Variants in EPN1 observed in about 807,000 individuals in gnomAD.
The protein encoded by EPN1 is epsin 1, also known as epsin-1.
In EPN1, 25 loss-of-function variants were observed where a neutral mutation model predicts 56.9. The ratio of observed to expected loss-of-function variants is 0.44; its 90% CI spans 0.32 to 0.61. EPN1 has a LOEUF of 0.61. Ranked by LOEUF, EPN1 falls within the 20% of genes least tolerant of loss-of-function variation. EPN1 has a pLI of 0.05. For synonymous variants in EPN1, 411 were observed against 361.8 expected (o/e 1.14, Z -1.54); for missense variants, 785 against 823.7 (o/e 0.95, Z 0.58).
In EPN1 at chr19:55,700,948, G is replaced by C. The variant is rs1420334112; in HGVS notation, c.*5592G>C. On this transcript the variant is annotated 3_prime_UTR_variant, in exon 11 of 11. Coordinates refer to ENST00000270460, the MANE Select transcript of EPN1 (RefSeq NM_001130072.2). ...ATCACTACATCCATCCGCAGGGGAG[G>C]CAAGCTTAGGGCATCACGTCCAGGA... is the stretch of plus-strand genomic sequence containing the variant. 1 of 152,254 alleles carries C rather than the reference G, an allele frequency of 6.6e-6. No individual in the cohort carries two copies. The highest frequency in any genetic ancestry group is 6.5e-5 in the Admixed American group (1 of 15,276). The allele number at this position is 152,254 out of a possible 1,614,324, so 9.4% of individuals were successfully genotyped here.
rs150505779 is a variant in EPN1 at position 55,697,722 on chromosome 19, C to T, written c.*2366C>T. ...CCTCTTTCTAGAATATTCCAGCCAC[C>T]AAAGTGCTCAGCAGGAGCTGCTGTG... On this transcript the variant is annotated 3_prime_UTR_variant, in exon 11 of 11. Coordinates refer to ENST00000270460, the MANE Select transcript of EPN1 (RefSeq NM_001130072.2). 2 of 152,146 alleles carry T rather than the reference C, an allele frequency of 1.3e-5. No individual in the cohort carries two copies. The highest frequency in any genetic ancestry group is 1.9e-4 in the East Asian group (1 of 5,174). 9.4% of individuals were successfully genotyped at this position (152,146 alleles called of 1,614,324 possible). A position where few individuals can be genotyped will look rare whatever the true frequency, so the allele number is the denominator to read the frequency against.
Position 55,689,423 on chromosome 19 carries a change from G to C in EPN1, c.678+52G>C. On this transcript the variant is annotated intron_variant, in intron 5 of 10. Coordinates refer to ENST00000270460, the MANE Select transcript of EPN1 (RefSeq NM_001130072.2). This position sits in a 1 kb window ranked among gnomAD's most constrained non-coding sequence, Gnocchi z 5.7. ...CCTGCCAGGGGCTCCCCTCAGACCA[G>C]CCCCGTCGCCCCTTCCTAAGTCACC... is the stretch of plus-strand genomic sequence containing the variant. 7.2e-7 allele frequency: 1 copy of C among 1,383,868 alleles called. No individual in the cohort carries two copies. The highest frequency in any genetic ancestry group is 1.0e-6 in the Non-Finnish European group (1 of 996,090). The allele number at this position is 1,383,868 out of a possible 1,614,324, so 85.7% of individuals were successfully genotyped here. A position where few individuals can be genotyped will look rare whatever the true frequency, so the allele number is the denominator to read the frequency against.
Position 55,708,927 on chromosome 19 carries a change from C to A in EPN1, c.*13571C>A, listed in dbSNP as rs1200849764. The A allele has an allele frequency of 6.4e-7, 1 of 1,559,054 alleles. No individual in the cohort carries two copies. The highest frequency in any genetic ancestry group is 8.6e-7 in the Non-Finnish European group (1 of 1,160,282). ...GTGTTCCCCATCAGAGGAGCACACC[C>A]CTGATCTTGTATTCCTCGTCAATCC... On this transcript the variant is annotated 3_prime_UTR_variant, in exon 11 of 11. Coordinates refer to ENST00000270460, the MANE Select transcript of EPN1 (RefSeq NM_001130072.2).
At chr19:55,679,406 TC>T (rs1985656597) in intron 2 of EPN1, among the ~76,000 whole-genome samples, 1 of 152,218 alleles carries the variant, frequency 6.6e-6, no homozygotes, top group Non-Finnish European at 1.5e-5. Flanking sequence ...CGGGTTATAC[TC>T]CCAGTGGCGG....
At chr19:55,686,060 G>A (rs1265138525) in intron 3 of EPN1, among the ~76,000 whole-genome samples, 3 of 152,246 alleles carry the variant, frequency 2.0e-5, no homozygotes, top group Non-Finnish European at 4.4e-5. Flanking sequence ...AAGAGGCACA[G>A]AAGGAAGGCC....
intron 2 of EPN1, among the ~76,000 whole-genome samples, chr19:55,684,438 G>A (rs1986029070): frequency 6.6e-6 from 1 of 152,166 alleles, no homozygotes; most frequent in African/African-American, 2.4e-5. Context: ...GAGCTAGGGA[G>A]AGCCTCAGAG....
intron 2 of EPN1, among the ~76,000 whole-genome samples, chr19:55,679,296 G>C (rs1985647219): frequency 6.6e-6 from 1 of 152,262 alleles, no homozygotes; most frequent in African/African-American, 2.4e-5. Context: ...TTTTCAGTTT[G>C]CTGCTCTTGG....
chr19:55,677,504 C>T lies in EPN1; in HGVS notation c.-101-1023C>T, dbSNP rs577269291. On this transcript the variant is annotated intron_variant, in intron 1 of 10. Transcript: ENST00000270460. ...AGGTGGGCCTCGGGTTGAGTCTGCCCTGCCATTCCTGGTGTGTGACCTTGG... is the reference window on the plus strand; with the variant it reads ...AGGTGGGCCTCGGGTTGAGTCTGCCTTGCCATTCCTGGTGTGTGACCTTGG... The T allele has an allele frequency of 4.3e-6, 5 of 1,156,926 alleles. No individual in the cohort carries two copies. The Admixed American group carries it at 1.2e-4, about 27-fold the overall frequency. The allele number at this position is 1,156,926 out of a possible 1,614,324, so 71.7% of individuals were successfully genotyped here. A position where few individuals can be genotyped will look rare whatever the true frequency, so the allele number is the denominator to read the frequency against.
Position 55,689,061 on chromosome 19 carries a change from C to T in EPN1, c.603+67C>T. On this transcript the variant is annotated intron_variant, in intron 4 of 10. Coordinates refer to ENST00000270460, the MANE Select transcript of EPN1 (RefSeq NM_001130072.2). This position sits in a 1 kb window ranked among gnomAD's most constrained non-coding sequence, Gnocchi z 5.7. ...TCCACGCCTCACTTCAGGCTCCCTC[C>T]CAGCCAGGCGTGGGCCTGGCCCTCA... The T allele has an allele frequency of 6.7e-7, 1 of 1,503,744 alleles. No homozygotes were observed. The highest frequency in any genetic ancestry group is 2.4e-5 in the East Asian group (1 of 42,090). The allele number at this position is 1,503,744 out of a possible 1,614,324, so 93.2% of individuals were successfully genotyped here.
rs934976553 is a variant in EPN1 at position 55,700,280 on chromosome 19, T to G, written c.*4924T>G. ...TACAAACTTCCTTTCCTTATTATTA[T>G]TATTTATTTTTTTTTTGAGATGGAG... is the stretch of plus-strand genomic sequence containing the variant. On this transcript the variant is annotated 3_prime_UTR_variant, in exon 11 of 11. Transcript: ENST00000270460. 2 of 145,472 alleles carry G rather than the reference T, an allele frequency of 1.4e-5. No individual in the cohort carries two copies. The highest frequency in any genetic ancestry group is 6.8e-5 in the Admixed American group (1 of 14,630). 9.0% of individuals were successfully genotyped at this position (145,472 alleles called of 1,614,324 possible).
At chr19:55,682,368 CT>C (rs1052102936) in intron 2 of EPN1, among the ~76,000 whole-genome samples, 3 of 152,262 alleles carry the variant, frequency 2.0e-5, no homozygotes, top group African/African-American at 7.2e-5. Context: ...TGTCTGGCTT[CT>C]TTTGCTCACC....
intron 9 of EPN1, chr19:55,693,445 G>A (rs1342376054): frequency 1.2e-5 from 2 of 162,894 alleles, no homozygotes; most frequent in African/African-American, 4.8e-5. Flanking sequence ...CTCACCTGCT[G>A]GTGGCTCCTG....
In EPN1 at chr19:55,709,225, T is replaced by C; in HGVS notation, c.*13869T>C. The stretch of plus-strand genomic sequence containing the variant: ...CCTATAGGATAGGAAGCCTCTGATT[T>C]ATACCATAAAGTGAAATTTCATATA... On this transcript the variant is annotated 3_prime_UTR_variant, in exon 11 of 11. Transcript: ENST00000270460. 1 of 427,736 alleles carries C rather than the reference T, an allele frequency of 2.3e-6. No individual in the cohort carries two copies. Among genetic ancestry groups the C allele is most frequent in the Non-Finnish European group, 4.1e-6 (1 of 245,222 alleles). 26.5% of individuals were successfully genotyped at this position (427,736 alleles called of 1,614,324 possible).
intron 1 of EPN1, chr19:55,677,036 C>T: frequency 7.2e-7 from 1 of 1,397,280 alleles, no homozygotes; most frequent in Non-Finnish European, 9.7e-7. Context: ...CTAGCTACAT[C>T]TGTCTTCAGG....
rs1987421607 is a variant in EPN1 at position 55,706,440 on chromosome 19, T to A, written c.*11084T>A. 3 of 151,714 alleles carry A rather than the reference T, an allele frequency of 2.0e-5. No individual in the cohort carries two copies. The Admixed American group carries it at 2.0e-4, about 10-fold the overall frequency. 9.4% of individuals were successfully genotyped at this position (151,714 alleles called of 1,614,324 possible). A position where few individuals can be genotyped will look rare whatever the true frequency, so the allele number is the denominator to read the frequency against. ...GCTGAGGCGGGTGGATCACCTGAGG[T>A]TGGGAGTTCGAGACCAGCCTGGCCG... On this transcript the variant is annotated 3_prime_UTR_variant, in exon 11 of 11. Coordinates refer to ENST00000270460, the MANE Select transcript of EPN1 (RefSeq NM_001130072.2).
chr19:55,689,020 C>A lies in EPN1; in HGVS notation c.603+26C>A. On this transcript the variant is annotated intron_variant, in intron 4 of 10. Coordinates refer to ENST00000270460, the MANE Select transcript of EPN1 (RefSeq NM_001130072.2). This position sits in a 1 kb window ranked among gnomAD's most constrained non-coding sequence, Gnocchi z 5.7. ...GTACTGGGCGTGCAGCTGGGGCTGT[C>A]TGTCCGCCACCCGCCTCCACGCCTC... The A allele has an allele frequency of 6.4e-7, 1 of 1,569,076 alleles. No homozygotes were observed.
chr19:55,690,621 T>C (rs1568575103), intron 6 of EPN1, among the ~76,000 whole-genome samples: 1 of 152,136 alleles, frequency 6.6e-6, no homozygotes, highest in Non-Finnish European at 1.5e-5. Flanking sequence ...CTGTCCTGAG[T>C]GTCCTCATAG....
In EPN1 at chr19:55,708,875, A is replaced by G. The variant is rs1987561865; in HGVS notation, c.*13519A>G. 2.0e-6 allele frequency: 3 copies of G among 1,477,768 alleles called. No individual in the cohort carries two copies. In the South Asian group the frequency reaches 4.2e-5, roughly 21 times the overall value. The allele number at this position is 1,477,768 out of a possible 1,614,324, so 91.5% of individuals were successfully genotyped here. ...GTGAAGGTCCCACTGTGGCCAAGGA[A>G]AGCCTTTGTGAGACGACTACTTCAG... is the stretch of plus-strand genomic sequence containing the variant. On this transcript the variant is annotated 3_prime_UTR_variant, in exon 11 of 11. Transcript: ENST00000270460.
chr19:55,695,382 C>T lies in EPN1; in HGVS notation c.*26C>T. The stretch of plus-strand genomic sequence containing the variant: ...TCCAGGGCGGAAGGGGGCCTGGCTC[C>T]ATCCGGCTGCCCCATTCCGGCTCCC... On this transcript the variant is annotated 3_prime_UTR_variant, in exon 11 of 11. Transcript: ENST00000270460. This position sits in a 1 kb window ranked among gnomAD's most constrained non-coding sequence, Gnocchi z 4.4. 7.7e-7 allele frequency: 1 copy of T among 1,291,238 alleles called. No homozygotes were observed. The highest frequency in any genetic ancestry group is 1.1e-6 in the Non-Finnish European group (1 of 933,642). 80.0% of individuals were successfully genotyped at this position (1,291,238 alleles called of 1,614,324 possible).
Sources: gnomAD v4.1 joint callset for allele counts (sites outside exome capture counted in the v4.1 genomes callset) on GRCh38, gnomAD v4.1.1 for gene constraint, Gnocchi (gnomAD v3.1) non-coding constraint, MANE v1.5 for transcripts, NCBI Gene and HGNC (gene_info 2026-07-23, HGNC 2026-07-21) for gene names.